The following TRMT11 variants were observed in gnomAD, a reference collection of about 807,000 sequenced individuals.
The protein encoded by TRMT11 is tRNA (guanine(10)-N(2))-methyltransferase TRMT11.
Under a neutral mutation model 62.8 loss-of-function variants are expected in TRMT11, and 53 were observed. The observed-to-expected ratio is 0.84, with a 90% CI of 0.68 to 1.06. The LOEUF is 1.06. Among genes scored for constraint, TRMT11 ranks in the 50% least tolerant of loss-of-function variants. TRMT11 has a pLI of 0.00. For synonymous variants in TRMT11, 188 were observed against 190.3 expected (o/e 0.99, Z 0.10); for missense variants, 556 against 553.4 (o/e 1.00, Z -0.05).
At position 126,137,908 on chromosome 6, in the gene TRMT11, C is replaced by T. The variant is rs573255166; in HGVS notation, c.*1823+22053C>T. 3.3e-4 allele frequency among the ~76,000 whole-genome samples: 50 copies of T among 151,554 alleles called. 1 individual carries two copies. In the South Asian group the frequency reaches 0.01, roughly 31 times the overall value. On this transcript the variant is annotated intron_variant and NMD_transcript_variant, in intron 21 of 22. Coordinates refer to the TRMT11 transcript ENST00000648977. ...GGATGTTTTGAATCATAGGTAGGGG[C>T]AAATAAAAGTAGATCTCATGGATAT...
chr6:126,220,946 A>C, the TRMT11 span, among the ~76,000 whole-genome samples: 125 of 152,156 alleles, frequency 8.2e-4, 1 homozygote, highest in African/African-American at 2.8e-3. Flanking sequence ...CAGTGTTTAC[A>C]ATTCCCTTCT....
the TRMT11 span, among the ~76,000 whole-genome samples, chr6:126,234,049 ACAT>A: frequency 6.6e-6 from 1 of 152,126 alleles, no homozygotes; most frequent in Non-Finnish European, 1.5e-5. Context: ...TCTGAATTTA[ACAT>A]CATCATCTTA....
the TRMT11 span, among the ~76,000 whole-genome samples, chr6:126,251,117 G>A: frequency 2.0e-5 from 3 of 150,156 alleles, no homozygotes; most frequent in Admixed American, 6.7e-5. Flanking sequence ...TGCAACCTCC[G>A]CCTCCCGGGT....
At chr6:126,257,233 T>C in the TRMT11 span, among the ~76,000 whole-genome samples, 1 of 151,836 alleles carries the variant, frequency 6.6e-6, no homozygotes, top group Non-Finnish European at 1.5e-5. Flanking sequence ...TTTCTGCTTG[T>C]AGCTATTTTG....
the TRMT11 span, among the ~76,000 whole-genome samples, chr6:126,257,385 C>T: frequency 6.6e-6 from 1 of 151,892 alleles, no homozygotes; most frequent in East Asian, 1.9e-4. Context: ...TAAATGTGCT[C>T]CTGGATTCAG....
intron 12 of TRMT11, among the ~76,000 whole-genome samples, chr6:126,022,317 G>A (rs1795951929): frequency 6.6e-6 from 1 of 151,966 alleles, no homozygotes; most frequent in Non-Finnish European, 1.5e-5. Flanking sequence ...AAAGTGTTGG[G>A]ATTACAGGCG....
rs537825097 is a variant in TRMT11, at chr6:126,170,505, C to T, written c.*1824-4320C>T. On this transcript the variant is annotated intron_variant and NMD_transcript_variant, in intron 21 of 22. Coordinates refer to the TRMT11 transcript ENST00000648977. ...TGTTCAGTTCTGATCACATTTTGTT[C>T]TTTCGCTGGCTGTATTACCTGAAGG... 2.4e-4 allele frequency among the ~76,000 whole-genome samples: 36 copies of T among 152,208 alleles called. No homozygotes were observed. The South Asian group carries it at 3.3e-3, about 14-fold the overall frequency.
At chr6:126,084,350 G>A (rs568590664) in intron 17 of TRMT11, among the ~76,000 whole-genome samples, 122 of 152,180 alleles carry the variant, frequency 8.0e-4, no homozygotes, top group African/African-American at 2.8e-3. Flanking sequence ...TAATGATGTT[G>A]AGCACCTTTT....
At chr6:126,189,244 T>C (rs1251063836) in intron 1 of TRMT11, among the ~76,000 whole-genome samples, 2 of 152,184 alleles carry the variant, frequency 1.3e-5, no homozygotes. Flanking sequence ...TGTATAATGA[T>C]GCCAGACTTA....
intron 21 of TRMT11, among the ~76,000 whole-genome samples, chr6:126,136,474 C>T (rs1777851447): frequency 6.6e-6 from 1 of 151,328 alleles, no homozygotes; most frequent in African/African-American, 2.4e-5. Context: ...CTCTGTGAGG[C>T]AACTAAAACA....
chr6:126,064,490 A>T (rs1776629216), intron 17 of TRMT11, among the ~76,000 whole-genome samples: 1 of 152,138 alleles, frequency 6.6e-6, no homozygotes, highest in Non-Finnish European at 1.5e-5. Context: ...GAGCTATTAG[A>T]TCACATTTCC....
intron 11 of TRMT11, among the ~76,000 whole-genome samples, chr6:126,014,534 C>A (rs149674079): frequency 2.0e-5 from 3 of 152,354 alleles, no homozygotes; most frequent in African/African-American, 7.2e-5. Flanking sequence ...TAGGCGTGAG[C>A]CACCGTGTCC....
intron 17 of TRMT11, among the ~76,000 whole-genome samples, chr6:126,056,031 C>T (rs1226280969): frequency 6.6e-6 from 1 of 152,194 alleles, no homozygotes; most frequent in East Asian, 1.9e-4. Context: ...GTGAAGCCAT[C>T]ATTGAAGCAC....
At chr6:126,235,865 G>A in the TRMT11 span, among the ~76,000 whole-genome samples, 1 of 152,152 alleles carries the variant, frequency 6.6e-6, no homozygotes, top group South Asian at 2.1e-4. Context: ...TTAAAAAAAA[G>A]TTGGAAATAA....
At chr6:126,239,924 T>C in the TRMT11 span, among the ~76,000 whole-genome samples, 6 of 152,210 alleles carry the variant, frequency 3.9e-5, no homozygotes, top group South Asian at 4.1e-4. Context: ...TGCTTTTTTT[T>C]CTAAACTTCT....
In TRMT11 at chr6:126,093,631, A is replaced by ATATTTTTTTTTTTTTTT. The variant is rs1554236842; in HGVS notation, c.*1438-19234_*1438-19233insATTTTTTTTTTTTTTTT. On this transcript the variant is annotated intron_variant and NMD_transcript_variant, in intron 17 of 22. Transcript: ENST00000648977. ...TATATATATATATATATATATATATATTTTCCCCCAGTCCTGGAGGATCAA... is the reference window on the plus strand; with the variant it reads ...TATATATATATATATATATATATATATATTTTTTTTTTTTTTTTTTTCCCCCAGTCCTGGAGGATCAA... Among the ~76,000 whole-genome samples the ATATTTTTTTTTTTTTTT allele has an allele frequency of 1.7e-4, 17 of 98,016 alleles. 2 individuals carry two copies. The highest frequency in any genetic ancestry group is 7.0e-4 in the African/African-American group (16 of 22,898). The allele number at this position is 98,016 out of a possible 152,430, so 64.3% of individuals were successfully genotyped here. A position where few individuals can be genotyped will look rare whatever the true frequency, so the allele number is the denominator to read the frequency against.
chr6:126,170,354 GT>G (rs1358796155), intron 21 of TRMT11, among the ~76,000 whole-genome samples: 1 of 152,094 alleles, frequency 6.6e-6, no homozygotes, highest in African/African-American at 2.4e-5. Flanking sequence ...TACACTATGA[GT>G]TTTTTATACT....
At chr6:126,015,496 G>C (rs1486128516) in intron 11 of TRMT11, among the ~76,000 whole-genome samples, 1 of 152,110 alleles carries the variant, frequency 6.6e-6, no homozygotes, top group African/African-American at 2.4e-5. Flanking sequence ...GGGATTACAG[G>C]TGTGAGCCAC....
At chr6:126,200,521 T>C (rs890828686) in intron 3 of TRMT11, among the ~76,000 whole-genome samples, 1 of 152,198 alleles carries the variant, frequency 6.6e-6, no homozygotes, top group Non-Finnish European at 1.5e-5. Flanking sequence ...TCTTTAGTGT[T>C]TAAATCTCCA....
Sources: allele counts gnomAD v4.1 joint callset (sites outside exome capture counted in the v4.1 genomes callset), GRCh38; gene constraint gnomAD v4.1.1; transcripts MANE v1.5; gene names NCBI Gene and HGNC (gene_info 2026-07-23, HGNC 2026-07-21).